The following FAM107A variants were observed in gnomAD, a reference collection of about 807,000 sequenced individuals.
The protein encoded by FAM107A is family with sequence similarity 107 member A.
A neutral mutation model predicts 13.7 loss-of-function variants in FAM107A; 19 were observed. The ratio of observed to expected loss-of-function variants is 1.38; its 90% CI spans 0.97 to 2.03. The LOEUF is 2.03. Among genes scored for constraint, FAM107A ranks in the 30% most tolerant of loss-of-function variants. The pLI is 0.00. For missense variants in FAM107A, 203 were observed against 184.4 expected (o/e 1.10, Z -0.58); for synonymous variants, 82 against 74.5 (o/e 1.10, Z -0.52).
intron 1 of FAM107A, among the ~76,000 whole-genome samples, chr3:58,593,777 A>C (rs778318187): frequency 2.0e-5 from 3 of 152,000 alleles, no homozygotes; most frequent in Non-Finnish European, 1.5e-5. Context: ...CGCGCCCTAC[A>C]GGTTGACTGG....
chr3:58,587,014 C>T (rs1575447259), exon 1 of FAM107A: 1 of 1,399,884 alleles, frequency 7.1e-7, no homozygotes, highest in Non-Finnish European at 9.3e-7. Context: ...GGAGCCGAAG[C>T]GCCTCCGCGA....
chr3:58,626,114 G>C (rs1490350811), intron 1 of FAM107A, among the ~76,000 whole-genome samples: 2 of 152,166 alleles, frequency 1.3e-5, no homozygotes, highest in Non-Finnish European at 2.9e-5. Context: ...GCCTGTCTAT[G>C]CCACTGGGAT....
In FAM107A at chr3:58,576,391, G is replaced by A. The variant is rs186365193; in HGVS notation, c.-6+918C>T. 5.9e-4 allele frequency among the ~76,000 whole-genome samples: 90 copies of A among 152,366 alleles called. 1 individual carries two copies. Among genetic ancestry groups the A allele is most frequent in the Non-Finnish European group, 9.3e-4 (63 of 68,042 alleles). ...CAAGGTTAGTGGACAGCATTGTGCA[G>A]TTGATCTGGAACAAGCATCAGCAGA... On this transcript the variant is annotated intron_variant, in intron 1 of 3. Coordinates refer to ENST00000360997, the MANE Select transcript of FAM107A (RefSeq NM_001076778.3).
intron 1 of FAM107A, among the ~76,000 whole-genome samples, chr3:58,596,517 A>C (rs769819000): frequency 6.6e-6 from 1 of 152,160 alleles, no homozygotes; most frequent in Admixed American, 6.5e-5. Context: ...GTTTCTACTA[A>C]AAATACAAAA....
In FAM107A at chr3:58,577,015, T is replaced by G. The variant is rs1240793510; in HGVS notation, c.-6+294A>C. On this transcript the variant is annotated intron_variant, in intron 1 of 3. Coordinates refer to ENST00000360997, the MANE Select transcript of FAM107A (RefSeq NM_001076778.3). This position sits in a 1 kb window ranked among gnomAD's most constrained non-coding sequence, Gnocchi z 4.9. ...AATTGACTTAGGTGAGGCTATATCATGCATTAATTCAGATTCACCTGAGGA... is the reference window on the plus strand; with the variant it reads ...AATTGACTTAGGTGAGGCTATATCAGGCATTAATTCAGATTCACCTGAGGA... Among the ~76,000 whole-genome samples, 1 of 152,244 alleles carries G rather than the reference T, an allele frequency of 6.6e-6. No individual in the cohort carries two copies. Among genetic ancestry groups the G allele is most frequent in the Non-Finnish European group, 1.5e-5 (1 of 68,048 alleles).
chr3:58,626,295 G>T (rs2066016391), intron 1 of FAM107A, among the ~76,000 whole-genome samples: 1 of 152,196 alleles, frequency 6.6e-6, no homozygotes, highest in Non-Finnish European at 1.5e-5. Flanking sequence ...ACCCCAGGAT[G>T]CTGACGCAGG....
At chr3:58,594,448 G>T (rs78604802) in intron 1 of FAM107A, among the ~76,000 whole-genome samples, 5,463 of 152,102 alleles carry the variant, frequency 0.036, 197 homozygotes, top group East Asian at 0.15. Flanking sequence ...AGCTGCCCTC[G>T]CTGGATCCGT....
chr3:58,585,909 C>G (rs1038591221), intron 1 of FAM107A, among the ~76,000 whole-genome samples: 3 of 152,088 alleles, frequency 2.0e-5, no homozygotes, highest in African/African-American at 7.3e-5. Context: ...GGCTTATTTC[C>G]TGAATAGAAA....
intron 1 of FAM107A, among the ~76,000 whole-genome samples, chr3:58,601,262 C>T (rs947238318): frequency 2.0e-5 from 3 of 149,978 alleles, no homozygotes; most frequent in African/African-American, 7.3e-5. Context: ...CCAAATACTT[C>T]AACCCCACAT....
intron 2 of FAM107A, among the ~76,000 whole-genome samples, chr3:58,568,388 TCG>T (rs2063644784): frequency 6.6e-6 from 1 of 150,830 alleles, no homozygotes; most frequent in African/African-American, 2.4e-5. Flanking sequence ...TGAGCTGAGG[TCG>T]CGCCACTGCA....
chr3:58,593,288 T>G (rs775064523), intron 1 of FAM107A, among the ~76,000 whole-genome samples: 8 of 152,210 alleles, frequency 5.3e-5, no homozygotes, highest in Non-Finnish European at 1.0e-4. Context: ...CTATTCGTCC[T>G]TACCCTACTT....
chr3:58,569,045 C>T lies in FAM107A; in HGVS notation c.170+646G>A, dbSNP rs1253219258. 6.6e-6 allele frequency among the ~76,000 whole-genome samples: 1 copy of T among 152,234 alleles called. No homozygotes were observed. The highest frequency in any genetic ancestry group is 2.4e-5 in the African/African-American group (1 of 41,460). ...CACCTCACCAGACGGGCCCACCACA[C>T]CTTGTGCCCCTGCTGTAGACCTTTC... On this transcript the variant is annotated intron_variant, in intron 2 of 3. Transcript: ENST00000360997. The surrounding 1 kb of genome is among the most constrained non-coding windows in gnomAD (Gnocchi z 5.7).
intron 1 of FAM107A, among the ~76,000 whole-genome samples, chr3:58,625,225 G>A (rs2066001574): frequency 6.6e-6 from 1 of 152,066 alleles, no homozygotes; most frequent in Non-Finnish European, 1.5e-5. Context: ...TGGCCATGAC[G>A]GGATGGGAGG....
At chr3:58,586,482 T>C (rs867791828) in intron 1 of FAM107A, among the ~76,000 whole-genome samples, 2 of 150,928 alleles carry the variant, frequency 1.3e-5, no homozygotes, top group South Asian at 4.2e-4. Flanking sequence ...AGCCCAGGAG[T>C]TGGAGATCAG....
At chr3:58,580,918 A>G (rs1262366525), upstream of FAM107A, among the ~76,000 whole-genome samples, 2 of 152,364 alleles carry the variant, frequency 1.3e-5, no homozygotes, top group Middle Eastern at 3.4e-3. Flanking sequence ...AGAAAGAGCA[A>G]CATTTCCCAA....
chr3:58,622,888 G>T (rs771768277), intron 1 of FAM107A, among the ~76,000 whole-genome samples: 2 of 152,190 alleles, frequency 1.3e-5, no homozygotes, highest in Non-Finnish European at 2.9e-5. Flanking sequence ...TGGGAACCCA[G>T]CTGTGGAGTC....
At chr3:58,610,867 A>G (rs367639336) in intron 1 of FAM107A, among the ~76,000 whole-genome samples, 2 of 152,144 alleles carry the variant, frequency 1.3e-5, no homozygotes, top group East Asian at 3.9e-4. Flanking sequence ...GCTGCTGCAG[A>G]CATAAGCCCT....
chr3:58,582,850 G>C (rs1407650662), intron 1 of FAM107A, among the ~76,000 whole-genome samples: 1 of 152,194 alleles, frequency 6.6e-6, no homozygotes, highest in Non-Finnish European at 1.5e-5. Context: ...CCAGGCTGGA[G>C]GGCAGTGGCA....
At chr3:58,603,009 G>T (rs925490482) in intron 1 of FAM107A, among the ~76,000 whole-genome samples, 1 of 152,146 alleles carries the variant, frequency 6.6e-6, no homozygotes, top group Admixed American at 6.5e-5. Context: ...AAGTGGTGGG[G>T]AATTTTATTC....
Sources: gnomAD v4.1 joint callset for allele counts (sites outside exome capture counted in the v4.1 genomes callset) on GRCh38, gnomAD v4.1.1 for gene constraint, Gnocchi (gnomAD v3.1) non-coding constraint, MANE v1.5 for transcripts, NCBI Gene and HGNC (gene_info 2026-07-23, HGNC 2026-07-21) for gene names.